SHISA6: variants seen among roughly 807,000 people sequenced by gnomAD.
SHISA6 encodes shisa family member 6.
Under a neutral mutation model 47.9 loss-of-function variants are expected in SHISA6, and 22 were observed. The ratio of observed to expected loss-of-function variants is 0.46; its 90% CI spans 0.33 to 0.66. The LOEUF (loss-of-function observed/expected upper bound fraction) is 0.66. Ranked by LOEUF, SHISA6 falls within the 30% of genes least tolerant of loss-of-function variation. The pLI is 0.02. For synonymous variants in SHISA6, 388 were observed against 337.8 expected, an observed-to-expected ratio of 1.15 and a Z score of -1.63; for missense variants, 680 against 764.6, an observed-to-expected ratio of 0.89 and a Z score of 1.30.
intron 5 of SHISA6, among the ~76,000 whole-genome samples, chr17:11,557,045 C>T (rs758975690): frequency 2.0e-5 from 3 of 152,178 alleles, no homozygotes; most frequent in Non-Finnish European, 2.9e-5. Context: ...TGTAAGATTA[C>T]TCCAACCAGC....
intron 3 of SHISA6, among the ~76,000 whole-genome samples, chr17:11,516,929 A>G (rs1437036773): frequency 6.6e-6 from 1 of 152,228 alleles, no homozygotes; most frequent in Non-Finnish European, 1.5e-5. Context: ...ACCTTCTGGT[A>G]CAAGTATTGT....
At position 11,562,247 on chromosome 17, in the gene SHISA6, G is replaced by C. The variant is rs2072051061; in HGVS notation, c.*3943G>C. 6.6e-6 allele frequency: 1 copy of C among 152,010 alleles called. No individual in the cohort carries two copies. The highest frequency in any genetic ancestry group is 2.1e-4 in the South Asian group (1 of 4,814). 9.4% of individuals were successfully genotyped at this position (152,010 alleles called of 1,614,324 possible). On this transcript the variant is annotated 3_prime_UTR_variant, in exon 6 of 6. Coordinates refer to ENST00000441885, the MANE Select transcript of SHISA6 (RefSeq NM_207386.4). The stretch of plus-strand genomic sequence containing the variant: ...CATTTTCTTCAGAGATACCTTGTCT[G>C]TCACCAGCCTCCAACTTCATATTCC...
chr17:11,544,399 G>A (rs191770768), intron 3 of SHISA6, among the ~76,000 whole-genome samples: 7 of 152,084 alleles, frequency 4.6e-5, no homozygotes, highest in Non-Finnish European at 1.0e-4. Context: ...CAGAAGTAAC[G>A]ACGAGACATT....
intron 2 of SHISA6, among the ~76,000 whole-genome samples, chr17:11,267,158 T>C (rs1429369346): frequency 6.6e-6 from 1 of 152,156 alleles, no homozygotes; most frequent in African/African-American, 2.4e-5. Context: ...CTTTCCAACT[T>C]TAAAGATTGC....
intron 3 of SHISA6, among the ~76,000 whole-genome samples, chr17:11,386,651 A>T (rs2142250988): frequency 6.6e-6 from 1 of 152,278 alleles, no homozygotes; most frequent in African/African-American, 2.4e-5. Flanking sequence ...CTGGGGGTGT[A>T]TTTCAGAAGT....
At chr17:11,509,365 G>T (rs561985935) in intron 3 of SHISA6, among the ~76,000 whole-genome samples, 1 of 152,302 alleles carries the variant, frequency 6.6e-6, no homozygotes, top group East Asian at 1.9e-4. Context: ...TGCACGCAGG[G>T]CTTTACCATT....
At chr17:11,277,280 T>TCTCTCTCTCTCTCTCTCTCTCACACA (rs1386997909) in intron 2 of SHISA6, among the ~76,000 whole-genome samples, 4 of 53,928 alleles carry the variant, frequency 7.4e-5, no homozygotes, top group African/African-American at 2.9e-4. Context: ...TCTCTCTCTC[T>TCTCTCTCTCTCTCTCTCTCTCACACA]CACACACACA....
At chr17:11,422,998 G>GAA (rs35031336) in intron 3 of SHISA6, among the ~76,000 whole-genome samples, 155 of 147,958 alleles carry the variant, frequency 1.0e-3, no homozygotes, top group Middle Eastern at 3.5e-3. Flanking sequence ...TAGATTCCAG[G>GAA]AAAAAAAAAA....
At chr17:11,473,616 T>A (rs1915978991) in intron 3 of SHISA6, among the ~76,000 whole-genome samples, 2 of 152,146 alleles carry the variant, frequency 1.3e-5, no homozygotes, top group South Asian at 2.1e-4. Context: ...AATTAATTTT[T>A]TATATATATC....
intron 4 of SHISA6, among the ~76,000 whole-genome samples, chr17:11,554,887 C>T (rs1174246899): frequency 6.6e-6 from 1 of 152,116 alleles, no homozygotes; most frequent in East Asian, 1.9e-4. Flanking sequence ...CCAGCGCACA[C>T]TGCACTGGGC....
At chr17:11,462,637 T>C (rs1186147166) in intron 3 of SHISA6, among the ~76,000 whole-genome samples, 1 of 152,176 alleles carries the variant, frequency 6.6e-6, no homozygotes, top group Non-Finnish European at 1.5e-5. Context: ...TTTTGTTTTT[T>C]TGAGACAGGG....
At chr17:11,545,669 A>G (rs373553541) in intron 3 of SHISA6, among the ~76,000 whole-genome samples, 34 of 152,326 alleles carry the variant, frequency 2.2e-4, no homozygotes, top group Middle Eastern at 3.4e-3. Flanking sequence ...GCCAAGTTCA[A>G]TAGAGATGGC....
At chr17:11,537,714 T>A (rs1378575471) in intron 3 of SHISA6, among the ~76,000 whole-genome samples, 1 of 152,156 alleles carries the variant, frequency 6.6e-6, no homozygotes, top group Non-Finnish European at 1.5e-5. Context: ...ACCTCAAGAG[T>A]TGATTCATTT....
At chr17:11,242,212 G>A (rs957648259) in intron 1 of SHISA6, among the ~76,000 whole-genome samples, 152 bp downstream of exon 1, 1 of 152,310 alleles carries the variant, frequency 6.6e-6, no homozygotes, top group South Asian at 2.1e-4. Context: ...ATAAATCAGG[G>A]TCTTCTTGTG....
rs527969651 is a variant in SHISA6, at chr17:11,502,065, C to T, written c.896-49831C>T. 6.6e-5 allele frequency among the ~76,000 whole-genome samples: 10 copies of T among 152,278 alleles called. No individual in the cohort carries two copies. In the East Asian group the frequency reaches 1.7e-3, roughly 26 times the overall value. On this transcript the variant is annotated intron_variant, in intron 3 of 5. Transcript: ENST00000441885. The stretch of plus-strand genomic sequence containing the variant: ...AAGGCTGAAATGTTTGAAACTCATA[C>T]CCACAGAAATTCAGTCTAACCACAC...
chr17:11,400,159 C>T (rs1017593337), intron 3 of SHISA6, among the ~76,000 whole-genome samples: 2 of 152,158 alleles, frequency 1.3e-5, no homozygotes, highest in African/African-American at 4.8e-5. Flanking sequence ...TACTTACTTG[C>T]ATGACTCTTG....
intron 2 of SHISA6, among the ~76,000 whole-genome samples, chr17:11,371,756 A>T (rs756753017): frequency 2.6e-5 from 4 of 152,286 alleles, no homozygotes; most frequent in Non-Finnish European, 5.9e-5. Flanking sequence ...AAAATGGCCC[A>T]TGAGCCCACT....
chr17:11,331,567 T>C (rs9892770), intron 2 of SHISA6, among the ~76,000 whole-genome samples: 4,087 of 152,196 alleles, frequency 0.027, 186 homozygotes, highest in African/African-American at 0.093. Context: ...ACAGCTAAAA[T>C]AGACGAGATG....
rs1176539219 is a variant in SHISA6 at position 11,560,389 on chromosome 17, T to G, written c.*2085T>G. 1 of 152,358 alleles carries G rather than the reference T, an allele frequency of 6.6e-6. No individual in the cohort carries two copies. Among genetic ancestry groups the G allele is most frequent in the East Asian group, 1.9e-4 (1 of 5,188 alleles). The allele number at this position is 152,358 out of a possible 1,614,324, so 9.4% of individuals were successfully genotyped here. On this transcript the variant is annotated 3_prime_UTR_variant, in exon 6 of 6. Transcript: ENST00000441885. ...CAGACACATAAACCTTCTTAAGGGC[T>G]GGTCCCCAGGGGTTTATAAGAGTTT...
Sources: gnomAD v4.1 joint callset for allele counts (sites outside exome capture counted in the v4.1 genomes callset) on GRCh38, gnomAD v4.1.1 for gene constraint, MANE v1.5 for transcripts, NCBI Gene and HGNC (gene_info 2026-07-23, HGNC 2026-07-21) for gene names.